The following TVP23A variants were observed in gnomAD, a reference collection of about 807,000 sequenced individuals.
TVP23A encodes Golgi apparatus membrane protein TVP23 homolog A.
Under a neutral mutation model 31.7 loss-of-function variants are expected in TVP23A, and 21 were observed. The observed-to-expected ratio is 0.66, with a 90% confidence interval of 0.47 to 0.95. The LOEUF (loss-of-function observed/expected upper bound fraction) is 0.95. Ranked by LOEUF, TVP23A falls within the 40% of genes least tolerant of loss-of-function variation. TVP23A has a pLI of 0.00. For synonymous variants in TVP23A, 104 were observed against 96.0 expected (o/e 1.08, Z -0.49); for missense variants, 279 against 255.6 (o/e 1.09, Z -0.62).
chr16:10,811,759 C>T (rs1369065121), intron 2 of TVP23A, among the ~76,000 whole-genome samples: 1 of 151,722 alleles, frequency 6.6e-6, no homozygotes, highest in East Asian at 1.9e-4. Flanking sequence ...AAAAAGTTAG[C>T]CGGGCATGGT....
chr16:10,773,551 T>A (rs2031781623), intron 4 of TVP23A, 110 bp from the exon 5 acceptor site: 1 of 1,345,906 alleles, frequency 7.4e-7, no homozygotes, highest in Non-Finnish European at 1.0e-6. Context: ...GCTGTGGGAT[T>A]TTTTGTTGTT....
Position 10,766,902 on chromosome 16 carries a change from G to T in TVP23A, c.*2200C>A. 2 of 398,554 alleles carry T rather than the reference G, an allele frequency of 5.0e-6. No homozygotes were observed. The highest frequency in any genetic ancestry group is 8.8e-6 in the Non-Finnish European group (2 of 226,064). The allele number at this position is 398,554 out of a possible 1,614,324, so 24.7% of individuals were successfully genotyped here. ...ACATTTCCTGTTATGGCTCAAGTGC[G>T]AATTGGCCTTATGTTCCCTGCCTCT... On this transcript the variant is annotated 3_prime_UTR_variant, in exon 8 of 8. Transcript: ENST00000299866. This position sits in a 1 kb window ranked among gnomAD's most constrained non-coding sequence, Gnocchi z 4.8.
chr16:10,809,837 G>A (rs28407915), intron 2 of TVP23A, among the ~76,000 whole-genome samples: 1,759 of 152,226 alleles, frequency 0.012, 33 homozygotes, highest in African/African-American at 0.039. Flanking sequence ...AACACAGCAC[G>A]GCTAAAACAG....
At chr16:10,804,784 A>G (rs2033865811) in intron 2 of TVP23A, among the ~76,000 whole-genome samples, 1 of 152,216 alleles carries the variant, frequency 6.6e-6, no homozygotes, top group Admixed American at 6.5e-5. Flanking sequence ...TCATATTTTT[A>G]AAAACCAATT....
chr16:10,816,373 G>T (rs1179442213), intron 2 of TVP23A, among the ~76,000 whole-genome samples: 3 of 150,310 alleles, frequency 2.0e-5, no homozygotes, highest in Non-Finnish European at 2.9e-5. Flanking sequence ...TCACTCTGTC[G>T]CCCAGACTGG....
At chr16:10,791,955 T>C (rs1037015601) in intron 2 of TVP23A, among the ~76,000 whole-genome samples, 3 of 152,212 alleles carry the variant, frequency 2.0e-5, no homozygotes, top group Admixed American at 6.5e-5. Flanking sequence ...CAACATGGCA[T>C]GGGCCAAGTC....
At chr16:10,784,054 G>C (rs977652313) in intron 2 of TVP23A, among the ~76,000 whole-genome samples, 5 of 152,192 alleles carry the variant, frequency 3.3e-5, no homozygotes, top group Admixed American at 3.3e-4. Context: ...GAATGGGCTA[G>C]GCGTGGTGGC....
At chr16:10,773,542 C>G (rs2031780654) in intron 4 of TVP23A, 101 bp from the exon 5 acceptor site, 4 of 1,389,480 alleles carry the variant, frequency 2.9e-6, no homozygotes, top group Non-Finnish European at 3.9e-6. Flanking sequence ...GCTTTTGTTG[C>G]TGTGGGATTT....
At chr16:10,803,245 C>CTGTGTATGTG (rs1555485951) in intron 2 of TVP23A, among the ~76,000 whole-genome samples, 1 of 135,378 alleles carries the variant, frequency 7.4e-6, no homozygotes, top group African/African-American at 2.9e-5. Flanking sequence ...GATCGCGCCA[C>CTGTGTATGTG]TGTGTGTGTG....
At chr16:10,806,779 G>C (rs923165395) in intron 2 of TVP23A, among the ~76,000 whole-genome samples, 1 of 152,198 alleles carries the variant, frequency 6.6e-6, no homozygotes, top group Non-Finnish European at 1.5e-5. Context: ...ATGGATTACA[G>C]ACATGAGCCA....
At chr16:10,796,416 G>A (rs896180978) in intron 2 of TVP23A, among the ~76,000 whole-genome samples, 2 of 149,756 alleles carry the variant, frequency 1.3e-5, no homozygotes, top group South Asian at 2.1e-4. Context: ...TGTAGTAAAA[G>A]GGATTTTATT....
rs150692663 is a variant in TVP23A at position 10,789,466 on chromosome 16, A to C, written c.90-14370T>G. 4.9e-3 allele frequency among the ~76,000 whole-genome samples: 747 copies of C among 152,214 alleles called. 3 individuals are homozygous for C. Among genetic ancestry groups the C allele is most frequent in the African/African-American group, 0.017 (703 of 41,536 alleles). Reference sequence around the variant, plus strand: ...AGGAGATCCTGAGAACATGTGCCCAAGGTGGTTGGGGTACAGCCTGGTTTT... The same window carrying C: ...AGGAGATCCTGAGAACATGTGCCCACGGTGGTTGGGGTACAGCCTGGTTTT... On this transcript the variant is annotated intron_variant, in intron 2 of 7. Coordinates refer to ENST00000299866, the MANE Select transcript of TVP23A (RefSeq NM_001079512.4).
In TVP23A at chr16:10,768,992, C is replaced by T. The variant is rs1451943428; in HGVS notation, c.*110G>A. The T allele has an allele frequency of 1.3e-6, 2 of 1,517,966 alleles. No homozygotes were observed. The highest frequency in any genetic ancestry group is 2.7e-5 in the African/African-American group (2 of 72,886). The allele number at this position is 1,517,966 out of a possible 1,614,324, so 94.0% of individuals were successfully genotyped here. A position where few individuals can be genotyped will look rare whatever the true frequency, so the allele number is the denominator to read the frequency against. ...CAGCCCTCCCCAGCACAGGACAGGG[C>T]TGTCAAGGGGTAGACAAGCCATTAG... On this transcript the variant is annotated 3_prime_UTR_variant, in exon 8 of 8. Coordinates refer to ENST00000299866, the MANE Select transcript of TVP23A (RefSeq NM_001079512.4). The surrounding 1 kb of genome is among the most constrained non-coding windows in gnomAD (Gnocchi z 4.3).
intron 2 of TVP23A, among the ~76,000 whole-genome samples, chr16:10,807,100 T>A (rs2033980701): frequency 6.6e-6 from 1 of 152,132 alleles, no homozygotes; most frequent in Non-Finnish European, 1.5e-5. Context: ...ATAACTTTGT[T>A]CCCCAAAAGC....
intron 2 of TVP23A, among the ~76,000 whole-genome samples, chr16:10,798,159 C>T (rs1381588474): frequency 6.6e-6 from 1 of 151,700 alleles, no homozygotes; most frequent in African/African-American, 2.4e-5. Context: ...ACGGGTTTCA[C>T]CATGTTAGCC....
At chr16:10,808,279 G>A (rs1316840936) in intron 2 of TVP23A, among the ~76,000 whole-genome samples, 2 of 152,190 alleles carry the variant, frequency 1.3e-5, no homozygotes, top group Non-Finnish European at 2.9e-5. Flanking sequence ...CTCATGTCCA[G>A]GACTGCTTTT....
At chr16:10,817,119 C>T (rs1734591276) in intron 2 of TVP23A, among the ~76,000 whole-genome samples, 1 of 152,190 alleles carries the variant, frequency 6.6e-6, no homozygotes, top group African/African-American at 2.4e-5. Flanking sequence ...GGGAGTGTGG[C>T]ACTGCTGCCA....
chr16:10,775,611 T>A, intron 2 of TVP23A: 1 of 904,642 alleles, frequency 1.1e-6, no homozygotes, highest in Non-Finnish European at 1.3e-6. Flanking sequence ...TGCTCAGTGG[T>A]GAATGGCACG....
chr16:10,777,420 C>A lies in TVP23A; in HGVS notation c.90-2324G>T, dbSNP rs553342838. Among the ~76,000 whole-genome samples the A allele has an allele frequency of 6.1e-5, 9 of 147,308 alleles. No homozygotes were observed. Among genetic ancestry groups the A allele is most frequent in the African/African-American group, 2.0e-4 (8 of 40,016 alleles). On this transcript the variant is annotated intron_variant, in intron 2 of 7. Transcript: ENST00000299866. The surrounding 1 kb of genome is among the most constrained non-coding windows in gnomAD (Gnocchi z 4.5). ...AAAATGTTGTGGGCTTTGGAAAATG[C>A]GGGGCCGAATGGGGTGGTCACAGAG... is the stretch of plus-strand genomic sequence containing the variant.
Sources: gnomAD v4.1 joint callset for allele counts (sites outside exome capture counted in the v4.1 genomes callset) on GRCh38, gnomAD v4.1.1 for gene constraint, Gnocchi (gnomAD v3.1) non-coding constraint, MANE v1.5 for transcripts, NCBI Gene and HGNC (gene_info 2026-07-23, HGNC 2026-07-21) for gene names.